LTF: variants seen among roughly 807,000 people sequenced by gnomAD.
LTF encodes the protein lactotransferrin, also known as epididymis luminal protein 110.
In LTF, 91 loss-of-function variants were observed where a neutral mutation model predicts 87.2. That is an observed-to-expected ratio of 1.04 (90% confidence interval 0.88 to 1.24). The LOEUF (loss-of-function observed/expected upper bound fraction) is 1.24, where lower values mean the gene tolerates loss of function less well. Ranked by LOEUF, LTF falls within the 50% of genes most tolerant of loss-of-function variation. LTF has a pLI of 0.00. For synonymous variants in LTF, 378 were observed against 356.1 expected (o/e 1.06, Z -0.69); for missense variants, 901 against 904.3 (o/e 1.00, Z 0.05).
At chr3:46,467,089 C>A (rs376725521), upstream of LTF, among the ~76,000 whole-genome samples, 29 of 152,298 alleles carry the variant, frequency 1.9e-4, no homozygotes, top group East Asian at 3.7e-3. Flanking sequence ...AGCCCAGCCC[C>A]AGGGCAGGGA....
intron 1 of LTF, among the ~76,000 whole-genome samples, chr3:46,477,706 G>T (rs1703377979): frequency 2.6e-5 from 4 of 152,204 alleles, no homozygotes; most frequent in Admixed American, 2.6e-4. Flanking sequence ...GAAGGAATGG[G>T]TGTGTGAATT....
At chr3:46,480,315 G>A (rs528958879) in intron 1 of LTF, among the ~76,000 whole-genome samples, 1 of 152,226 alleles carries the variant, frequency 6.6e-6, no homozygotes, top group South Asian at 2.1e-4. Flanking sequence ...TCATGTCCCT[G>A]GATTGTTCTC....
intron 1 of LTF, among the ~76,000 whole-genome samples, chr3:46,480,802 T>C (rs1703421698): frequency 6.6e-6 from 1 of 152,142 alleles, no homozygotes; most frequent in African/African-American, 2.4e-5. Context: ...AGCAGTGAAA[T>C]ACAAGACGTG....
chr3:46,438,030 CCAGA>C lies in LTF; in HGVS notation c.2004_2007del (p.Cys668TrpfsTer25). On this transcript the variant is annotated frameshift_variant, in exon 16 of 17. Transcript: ENST00000231751. LOFTEE classifies it high-confidence loss of function. The stretch of plus-strand genomic sequence containing the variant: ...TATGTTGTTTTGCCATGGAGTCTGG[CCAGA>C]CACTCAGTGTTGTCATTGAACAGAA... 1 of 1,613,774 alleles carries C rather than the reference CCAGA, an allele frequency of 6.2e-7. No individual in the cohort carries two copies. The highest frequency in any genetic ancestry group is 8.5e-7 in the Non-Finnish European group (1 of 1,179,830).
chr3:46,448,792 C>A, intron 9 of LTF, 71 bp downstream of exon 9: 5 of 1,573,060 alleles, frequency 3.2e-6, no homozygotes, highest in Non-Finnish European at 4.3e-6. Context: ...GTTGACTTCA[C>A]TTTAAGCAGA....
chr3:46,471,307 C>T (rs1703283025), intron 1 of LTF, among the ~76,000 whole-genome samples: 1 of 152,188 alleles, frequency 6.6e-6, no homozygotes, highest in South Asian at 2.1e-4. Context: ...CTTGGCTTAC[C>T]TTCTCCCTCT....
rs200758051 is a variant in LTF, at chr3:46,473,230, TC to T, written c.-319-2765del. ...ATATTTTCTTGCCCTTCCTCTCTTCTCCCATAATCTGCTCCTGAAGAACCTC... is the reference window on the plus strand; with the variant it reads ...ATATTTTCTTGCCCTTCCTCTCTTCTCCATAATCTGCTCCTGAAGAACCTC... On this transcript the variant is annotated intron_variant, in intron 1 of 19. Coordinates refer to the LTF transcript ENST00000443496. Among the ~76,000 whole-genome samples, 904 of 152,290 alleles carry T rather than the reference TC, an allele frequency of 5.9e-3. 4 individuals carry two copies. The highest frequency in any genetic ancestry group is 0.014 in the Middle Eastern group (4 of 294).
chr3:46,454,317 T>C lies in LTF; in HGVS notation c.691A>G (p.Ser231Gly), dbSNP rs145813972. 1.9e-6 allele frequency: 3 copies of C among 1,614,078 alleles called. No homozygotes were observed. The highest frequency in any genetic ancestry group is 3.3e-5 in the Admixed American group (2 of 60,012). The change falls in exon 6 of 17, where the codon AGC (serine) becomes GGC (glycine). Residue 231 changes from serine (S) to glycine (G), a missense_variant. Physicochemically the swap from Ser to Gly is moderately conservative, Grantham distance 56 (BLOSUM62 0). Transcript: ENST00000231751. ...ACCCTGCTCTTACCAAACACTGTGCTCTCTCTGATAAAAGCCACGTCTCCA... is the reference window on the plus strand; with the variant it reads ...ACCCTGCTCTTACCAAACACTGTGCCCTCTCTGATAAAAGCCACGTCTCCA... ...GAGDVAFIRE[S>G]TVFEDLSDEA...
chr3:46,463,170 G>T (rs1575323584), intron 1 of LTF, among the ~76,000 whole-genome samples: 1 of 152,200 alleles, frequency 6.6e-6, no homozygotes, highest in Non-Finnish European at 1.5e-5. Context: ...CTTGTATTCA[G>T]TGTCAGGCAC....
At chr3:46,474,473 G>A (rs1172239903) in intron 1 of LTF, among the ~76,000 whole-genome samples, 6 of 152,106 alleles carry the variant, frequency 3.9e-5, no homozygotes, top group African/African-American at 1.4e-4. Context: ...AAATCTGATA[G>A]AACTAGAAAG....
intron 1 of LTF, chr3:46,463,299 C>T (rs1038914995): frequency 1.4e-5 from 3 of 209,912 alleles, no homozygotes; most frequent in South Asian, 3.3e-4. Flanking sequence ...CCCACCTACC[C>T]ACACAGCTCA....
rs777242456 is a variant in LTF at position 46,443,420 on chromosome 3, G to A, written c.1655+21C>T. 1.6e-5 allele frequency: 26 copies of A among 1,613,642 alleles called. No individual in the cohort carries two copies. In the African/African-American group the frequency reaches 3.3e-4, roughly 21 times the overall value. Reference sequence around the variant, plus strand: ...GGATGAGGTAAGTCCCCATCCTGATGGAGCTCAGTCACAGACTCACCGGAA... The same window carrying A: ...GGATGAGGTAAGTCCCCATCCTGATAGAGCTCAGTCACAGACTCACCGGAA... On this transcript the variant is annotated intron_variant, in intron 13 of 16. Coordinates refer to ENST00000231751, the MANE Select transcript of LTF (RefSeq NM_002343.6).
At chr3:46,446,021 G>T (rs1273033410) in intron 11 of LTF, among the ~76,000 whole-genome samples, 1 of 152,222 alleles carries the variant, frequency 6.6e-6, no homozygotes. Context: ...CAGCTCTGGT[G>T]GGCAGGAGGA....
Position 46,456,659 on chromosome 3 carries a change from C to A in LTF, c.208-261G>T, listed in dbSNP as rs531713938. On this transcript the variant is annotated intron_variant, in intron 2 of 16. Transcript: ENST00000231751. ...TGCCTGTGTCACTCTCCCGATCACA[C>A]CCCTCACAGTCATCTATATTTGAAG... is the stretch of plus-strand genomic sequence containing the variant. 2.0e-5 allele frequency among the ~76,000 whole-genome samples: 3 copies of A among 152,364 alleles called. No homozygotes were observed. The South Asian group carries it at 6.2e-4, about 32-fold the overall frequency.
upstream of LTF, among the ~76,000 whole-genome samples, chr3:46,467,644 C>CTTT (rs5848801): frequency 1.6e-5 from 2 of 123,032 alleles, no homozygotes; most frequent in South Asian, 2.8e-4. Flanking sequence ...CTTTTCTTTT[C>CTTT]TTTTTTTTTT....
chr3:46,484,517 T>C (rs990363249), intron 1 of LTF, among the ~76,000 whole-genome samples: 3 of 152,050 alleles, frequency 2.0e-5, no homozygotes, highest in Non-Finnish European at 4.4e-5. Context: ...ACCCCTACCC[T>C]TGCTCCCCTA....
At chr3:46,447,421 C>A (rs774358859) in intron 9 of LTF, 23 bp from the exon 10 acceptor site, 2 of 1,539,928 alleles carry the variant, frequency 1.3e-6, no homozygotes, top group Non-Finnish European at 1.8e-6. Flanking sequence ...AGCAGATCTC[C>A]AGCACCACAG....
intron 1 of LTF, among the ~76,000 whole-genome samples, chr3:46,472,533 A>T (rs991171851): frequency 0.012 from 1,240 of 99,556 alleles, 6 homozygotes; most frequent in South Asian, 0.034. Flanking sequence ...TGTGTGAGAG[A>T]GAGAGAGAGA....
intron 9 of LTF, among the ~76,000 whole-genome samples, chr3:46,448,508 G>A (rs1702711834): frequency 6.6e-6 from 1 of 152,338 alleles, no homozygotes; most frequent in South Asian, 2.1e-4. Context: ...CAGATGTGCA[G>A]AGAAATACTG....
Sources: gnomAD v4.1 joint callset for allele counts (sites outside exome capture counted in the v4.1 genomes callset) on GRCh38, gnomAD v4.1.1 for gene constraint, MANE v1.5 for transcripts, NCBI Gene and HGNC (gene_info 2026-07-23, HGNC 2026-07-21) for gene names.